The following SOS2 variants were observed in gnomAD, a reference collection of about 807,000 sequenced individuals.
The protein encoded by SOS2 is son of sevenless homolog 2.
SOS2 carries 65 observed loss-of-function variants against 148.2 expected under a neutral mutation model. The observed-to-expected ratio is 0.44, with a 90% confidence interval of 0.36 to 0.54. The LOEUF (loss-of-function observed/expected upper bound fraction) is 0.54. Ranked by LOEUF, SOS2 falls within the 20% of genes least tolerant of loss-of-function variation. The pLI is 0.00. For missense variants in SOS2, 1,341 were observed against 1,590.2 expected (o/e 0.84, Z 2.67); for synonymous variants, 539 against 537.1 (o/e 1.00, Z -0.05).
At chr14:50,170,046 C>T (rs1885310125) in intron 8 of SOS2, among the ~76,000 whole-genome samples, 1 of 151,918 alleles carries the variant, frequency 6.6e-6, no homozygotes, top group Admixed American at 6.6e-5. Flanking sequence ...CTGCCTCAGC[C>T]TCCCTAGTAG....
chr14:50,219,545 G>A (rs140054261), intron 1 of SOS2, among the ~76,000 whole-genome samples: 263 of 152,298 alleles, frequency 1.7e-3, no homozygotes, highest in South Asian at 5.4e-3. Context: ...AAATAGGAGG[G>A]AGAATTACAG....
intron 16 of SOS2, among the ~76,000 whole-genome samples, chr14:50,140,394 A>C (rs926950053): frequency 6.6e-6 from 1 of 152,340 alleles, no homozygotes; most frequent in South Asian, 2.1e-4. Flanking sequence ...ATATTTTTCC[A>C]CTGAAAGATC....
At position 50,145,262 on chromosome 14, in the gene SOS2, C is replaced by G. The variant is rs748020387; in HGVS notation, c.2575G>C (p.Val859Leu). 1.2e-6 allele frequency: 2 copies of G among 1,612,466 alleles called. No homozygotes were observed. Among genetic ancestry groups the G allele is most frequent in the South Asian group, 2.2e-5 (2 of 90,788 alleles). Residue 859 changes from valine to leucine, a missense_variant, in exon 16 of 23, where the codon GTT (valine) becomes CTT (leucine). By Grantham distance (32) the Val-to-Leu change is conservative (BLOSUM62 1). This residue lies in a region of SOS2 where 408 missense variants were observed against 506.6 expected (regional missense o/e 0.81). Transcript: ENST00000216373. ...TTGAAATTATTCAAATCTTGAAAAACTTGCAGAATTTCTATAATTCTACTT... is the reference window on the plus strand; with the variant it reads ...TTGAAATTATTCAAATCTTGAAAAAGTTGCAGAATTTCTATAATTCTACTT... ...VLSRIIEILQVFQDLNNFNGV... is the reference protein window; with the variant it reads ...VLSRIIEILQLFQDLNNFNGV...
At chr14:50,161,005 T>C (rs568588885) in intron 9 of SOS2, among the ~76,000 whole-genome samples, 8 of 151,410 alleles carry the variant, frequency 5.3e-5, no homozygotes, top group African/African-American at 1.5e-4. Context: ...AGTGAGACCC[T>C]GTCTCTTAAA....
intron 19 of SOS2, among the ~76,000 whole-genome samples, chr14:50,132,355 A>T (rs1051806076): frequency 8.3e-4 from 26 of 31,242 alleles, no homozygotes; most frequent in African/African-American, 3.2e-3. Flanking sequence ...TATTGCCATT[A>T]AAAAAAAAAA....
intron 8 of SOS2, among the ~76,000 whole-genome samples, chr14:50,168,668 T>C (rs1322045466): frequency 6.6e-6 from 1 of 152,216 alleles, no homozygotes; most frequent in African/African-American, 2.4e-5. Flanking sequence ...TCCCATTCTA[T>C]AGAATGCCGT....
intron 8 of SOS2, 38 bp from the exon 9 acceptor site, chr14:50,161,647 T>C: frequency 1.9e-6 from 3 of 1,593,508 alleles, no homozygotes; most frequent in East Asian, 2.2e-5. Flanking sequence ...AACTGCATTG[T>C]TTGATTCTTC....
chr14:50,159,471 T>C lies in SOS2; in HGVS notation c.1812A>G (p.Val604=). ...SGIPIIKGGT[V]VKLIERLTYH... ...ATGTTAACCTTTCAATTAATTTCAC[T>C]ACAGTTCCTCCTTTAATAATGGGGA... is the stretch of plus-strand genomic sequence containing the variant. The change falls in exon 10 of 23, where the codon GTA becomes GTG. Residue 604 remains valine, a synonymous_variant. Coordinates refer to ENST00000216373, the MANE Select transcript of SOS2 (RefSeq NM_006939.4). 2 of 1,612,644 alleles carry C rather than the reference T, an allele frequency of 1.2e-6. No individual in the cohort carries two copies. Among genetic ancestry groups the C allele is most frequent in the South Asian group, 1.1e-5 (1 of 91,042 alleles).
intron 4 of SOS2, among the ~76,000 whole-genome samples, chr14:50,195,329 C>T (rs569054904): frequency 5.4e-4 from 82 of 152,202 alleles, no homozygotes; most frequent in African/African-American, 1.9e-3. Context: ...ATTGTCTTCA[C>T]AGTTTTAGAA....
intron 18 of SOS2, among the ~76,000 whole-genome samples, chr14:50,134,996 C>T (rs1884024466): frequency 6.9e-6 from 1 of 144,598 alleles, no homozygotes; most frequent in African/African-American, 2.6e-5. Context: ...TCAATTGAAC[C>T]TGGCAGGCGG....
At chr14:50,145,425 A>G (rs1884435861) in intron 15 of SOS2, 52 bp downstream of exon 15, 5 of 1,566,858 alleles carry the variant, frequency 3.2e-6, no homozygotes, top group Non-Finnish European at 4.3e-6. Flanking sequence ...TAGCTTAAAT[A>G]TGACTTAATA....
chr14:50,195,215 T>C (rs1229120056), intron 4 of SOS2, among the ~76,000 whole-genome samples: 1 of 152,148 alleles, frequency 6.6e-6, no homozygotes, highest in Non-Finnish European at 1.5e-5. Flanking sequence ...CAGAGTAACG[T>C]GGTGCCAAAA....
At chr14:50,178,238 C>T (rs1012341394) in intron 7 of SOS2, among the ~76,000 whole-genome samples, 1 of 152,174 alleles carries the variant, frequency 6.6e-6, no homozygotes, top group South Asian at 2.1e-4. Flanking sequence ...TCCTTTAATG[C>T]TGTTCTTGTA....
At chr14:50,207,066 T>C (rs770956453) in intron 1 of SOS2, among the ~76,000 whole-genome samples, 11 of 152,130 alleles carry the variant, frequency 7.2e-5, no homozygotes, top group Non-Finnish European at 1.3e-4. Flanking sequence ...ATTATATGGG[T>C]CTACCTGGCT....
chr14:50,224,314 T>TATACACACACAC (rs1281779995), intron 1 of SOS2, among the ~76,000 whole-genome samples: 1 of 101,018 alleles, frequency 9.9e-6, no homozygotes, highest in African/African-American at 4.3e-5. Context: ...AATATATATA[T>TATACACACACAC]ACACACACAC....
At chr14:50,189,923 ACTGCAAC>A (rs1479850976) in intron 4 of SOS2, among the ~76,000 whole-genome samples, 7 of 150,994 alleles carry the variant, frequency 4.6e-5, no homozygotes, top group African/African-American at 1.7e-4. Context: ...ATCTCAGCTC[ACTGCAAC>A]CTCCGCCTCC....
At chr14:50,162,331 A>G (rs1322697437) in intron 8 of SOS2, among the ~76,000 whole-genome samples, 1 of 151,586 alleles carries the variant, frequency 6.6e-6, no homozygotes, top group African/African-American at 2.4e-5. Flanking sequence ...TTGTAGAGAT[A>G]GGGTCTCACT....
chr14:50,214,164 C>A (rs989378215), intron 1 of SOS2, among the ~76,000 whole-genome samples: 3 of 151,778 alleles, frequency 2.0e-5, no homozygotes, highest in African/African-American at 7.3e-5. Context: ...ATAATTTTGA[C>A]AAAATACAAA....
intron 1 of SOS2, among the ~76,000 whole-genome samples, chr14:50,217,416 A>T (rs562315028): frequency 2.4e-4 from 37 of 152,306 alleles, no homozygotes; most frequent in African/African-American, 7.9e-4. Context: ...TTTCTAGAAC[A>T]GGCTAGGTAT....
Sources: allele counts gnomAD v4.1 joint callset (sites outside exome capture counted in the v4.1 genomes callset), GRCh38; gene constraint gnomAD v4.1.1; regional missense constraint gnomAD v4.1.1; transcripts MANE v1.5; gene names NCBI Gene and HGNC (gene_info 2026-07-23, HGNC 2026-07-21).